Variants in PRH1 observed in about 807,000 individuals in gnomAD.
PRH1 encodes salivary acidic proline-rich phosphoprotein 1/2.
A neutral mutation model predicts 7.9 loss-of-function variants in PRH1; 7 were observed. The ratio of observed to expected loss-of-function variants is 0.89; its 90% CI spans 0.50 to 1.67. The LOEUF (loss-of-function observed/expected upper bound fraction) is 1.67. Among genes scored for constraint, PRH1 ranks in the 40% most tolerant of loss-of-function variants. The pLI is 0.00. For synonymous variants in PRH1, 45 were observed against 80.8 expected, an observed-to-expected ratio of 0.56 and a Z score of 2.38; for missense variants, 109 against 223.6, an observed-to-expected ratio of 0.49 and a Z score of 3.27.
At chr12:10,994,029 G>C (rs1302068845) in intron 1 of PRH1, among the ~76,000 whole-genome samples, 1 of 152,202 alleles carries the variant, frequency 6.6e-6, no homozygotes, top group Non-Finnish European at 1.5e-5. Context: ...ACAAGACCCT[G>C]TGCAACAGTG....
intron 1 of PRH1, among the ~76,000 whole-genome samples, chr12:11,100,389 T>C (rs1290871258): frequency 1.3e-5 from 2 of 152,170 alleles, no homozygotes; most frequent in Non-Finnish European, 2.9e-5. Flanking sequence ...AACTGGAAAT[T>C]GATTTGATGT....
intron 1 of PRH1, among the ~76,000 whole-genome samples, chr12:11,021,037 G>A (rs576064125): frequency 2.0e-3 from 311 of 152,256 alleles, no homozygotes; most frequent in African/African-American, 7.3e-3. Context: ...TCACATACTG[G>A]TATTAAATCT....
At chr12:10,997,555 C>T (rs1295250133) in intron 1 of PRH1, 4 of 1,613,858 alleles carry the variant, frequency 2.5e-6, no homozygotes, top group Non-Finnish European at 3.4e-6. Flanking sequence ...CGATCTTGAG[C>T]AAATAAAATA....
chr12:11,041,307 A>AAAAAAC (rs1565584500), intron 1 of PRH1, among the ~76,000 whole-genome samples: 173 of 97,118 alleles, frequency 1.8e-3, no homozygotes, highest in African/African-American at 4.8e-3. Flanking sequence ...AAAAAAAAAA[A>AAAAAAC]AAAACAAAAA....
intron 1 of PRH1, among the ~76,000 whole-genome samples, chr12:11,007,267 T>A (rs1041115861): frequency 2.0e-5 from 3 of 152,126 alleles, no homozygotes; most frequent in African/African-American, 7.2e-5. Context: ...AATACTTTTA[T>A]ATGACTTTAT....
chr12:10,938,361 C>T, intron 2 of PRH1: 1 of 1,613,956 alleles, frequency 6.2e-7, no homozygotes, highest in African/African-American at 1.3e-5. Context: ...TTCTTGTTTC[C>T]AAGAATCAGA....
At chr12:11,140,346 T>A (rs992890939) in intron 1 of PRH1, among the ~76,000 whole-genome samples, 1 of 152,138 alleles carries the variant, frequency 6.6e-6, no homozygotes, top group Non-Finnish European at 1.5e-5. Flanking sequence ...AAAATAAATA[T>A]ATCATTGCTG....
chr12:11,028,969 T>G (rs1345662162), intron 1 of PRH1, among the ~76,000 whole-genome samples: 3 of 152,308 alleles, frequency 2.0e-5, no homozygotes, highest in Non-Finnish European at 4.4e-5. Flanking sequence ...ACTTATCCAT[T>G]TTAGCCACCC....
chr12:10,998,334 A>G (rs1401073530), intron 1 of PRH1, among the ~76,000 whole-genome samples: 4 of 152,146 alleles, frequency 2.6e-5, no homozygotes, highest in Non-Finnish European at 5.9e-5. Context: ...ATATATTGTT[A>G]AAAGAGCCTG....
At chr12:10,904,889 G>T (rs1204028038) in intron 2 of PRH1, among the ~76,000 whole-genome samples, 1 of 151,792 alleles carries the variant, frequency 6.6e-6, no homozygotes, top group African/African-American at 2.4e-5. Flanking sequence ...CTTTTCAAAA[G>T]AAGACATACG....
intron 2 of PRH1, among the ~76,000 whole-genome samples, chr12:10,946,290 A>G (rs906330697): frequency 1.3e-5 from 2 of 152,232 alleles, no homozygotes; most frequent in African/African-American, 2.4e-5. Flanking sequence ...ATAAATGTCC[A>G]TGAAATCTTC....
At chr12:11,059,260 T>C (rs1591917243) in intron 1 of PRH1, among the ~76,000 whole-genome samples, 1 of 151,564 alleles carries the variant, frequency 6.6e-6, no homozygotes, top group Non-Finnish European at 1.5e-5. Context: ...CTGATGACCG[T>C]CATGCTGTCT....
At chr12:10,932,902 A>G (rs1231925841) in intron 2 of PRH1, among the ~76,000 whole-genome samples, 2 of 152,198 alleles carry the variant, frequency 1.3e-5, no homozygotes, top group African/African-American at 4.8e-5. Flanking sequence ...AACCAGGAGT[A>G]TTGAAAAAAA....
In PRH1 at chr12:11,090,025, T is replaced by G. The variant is rs1453925342; in HGVS notation, n.124-42837A>C. On this transcript the variant is annotated intron_variant and non_coding_transcript_variant, in intron 1 of 4. Coordinates refer to the PRH1 transcript ENST00000541977. ...TGTGATGAGTTTCCTTTTCATTGGT[T>G]TACCACATCAGCTTACCCATTTTAG... is the stretch of plus-strand genomic sequence containing the variant. Among the ~76,000 whole-genome samples the G allele has an allele frequency of 2.6e-5, 3 of 116,820 alleles. 1 individual carries two copies. The highest frequency in any genetic ancestry group is 6.1e-5 in the Non-Finnish European group (3 of 49,298). 76.6% of individuals were successfully genotyped at this position (116,820 alleles called of 152,430 possible).
intron 1 of PRH1, among the ~76,000 whole-genome samples, chr12:11,169,319 C>T (rs1947736447): frequency 6.6e-6 from 1 of 152,188 alleles, no homozygotes; most frequent in African/African-American, 2.4e-5. Flanking sequence ...CTACAACCAC[C>T]TAAATTATTG....
chr12:11,012,113 A>T (rs1941095020), intron 1 of PRH1, among the ~76,000 whole-genome samples: 1 of 152,142 alleles, frequency 6.6e-6, no homozygotes, highest in Non-Finnish European at 1.5e-5. Flanking sequence ...CTTAAAAAAC[A>T]TGTGTATTCC....
upstream of PRH1, chr12:10,884,307 T>C (rs1460255657): frequency 1.3e-6 from 2 of 1,562,424 alleles, no homozygotes; most frequent in Non-Finnish European, 1.8e-6. Context: ...AATGGTGCAT[T>C]TGAGCTCCCT....
chr12:10,909,224 T>C, intron 2 of PRH1: 2 of 1,613,744 alleles, frequency 1.2e-6, no homozygotes, highest in Non-Finnish European at 1.7e-6. Context: ...GTACTATAAA[T>C]CCATTGCTCA....
chr12:11,109,533 T>C (rs1945527619), intron 1 of PRH1, among the ~76,000 whole-genome samples: 1 of 152,204 alleles, frequency 6.6e-6, no homozygotes, highest in African/African-American at 2.4e-5. Flanking sequence ...AAACAAGGTC[T>C]GGAGTGGACC....
Sources: gnomAD v4.1 joint callset for allele counts (sites outside exome capture counted in the v4.1 genomes callset) on GRCh38, gnomAD v4.1.1 for gene constraint, MANE v1.5 for transcripts, NCBI Gene and HGNC (gene_info 2026-07-23, HGNC 2026-07-21) for gene names.